Variants in PIP5K1C observed in about 807,000 individuals in gnomAD.
The protein encoded by PIP5K1C is phosphatidylinositol-4-phosphate 5-kinase type 1 gamma.
A neutral mutation model predicts 80.1 loss-of-function variants in PIP5K1C; 45 were observed. The observed-to-expected ratio is 0.56, with a 90% CI of 0.44 to 0.72. The LOEUF (loss-of-function observed/expected upper bound fraction) is 0.72. Among genes scored for constraint, PIP5K1C ranks in the 30% least tolerant of loss-of-function variants. The pLI is 0.00. For synonymous variants in PIP5K1C, 498 were observed against 420.1 expected (o/e 1.19, Z -2.27); for missense variants, 753 against 954.6 (o/e 0.79, Z 2.78).
At chr19:3,664,524 C>T (rs1271473401) in intron 3 of PIP5K1C, among the ~76,000 whole-genome samples, 2 of 152,186 alleles carry the variant, frequency 1.3e-5, no homozygotes, top group Non-Finnish European at 2.9e-5. Context: ...ACCCCTCTCC[C>T]TCACCAGGGC....
rs1375535291 is a variant in PIP5K1C, at chr19:3,641,807, G to A, written c.1685C>T (p.Pro562Leu). ...CTCTTCCGCGGGTGGCTCCTCCTGC[G>A]GCCTGCAGGCAATGGGAGGTTGTGC... ...RTQSSGQDGR[P>L]QEEPPAEEDL... is the part of the protein sequence containing the mutation. The change falls in exon 15 of 18, where the codon CCG (proline) becomes CTG (leucine). Residue 562 changes from proline to leucine, a missense_variant and splice_region_variant. By Grantham distance (98) the Pro-to-Leu change is moderately conservative (BLOSUM62 -3). Around this residue, in one of 6 missense-constraint regions of PIP5K1C, gnomAD observed 315 missense variants for 294.5 expected, o/e 1.07. Transcript: ENST00000335312. The A allele has an allele frequency of 8.1e-6, 13 of 1,610,254 alleles. No individual in the cohort carries two copies. Among genetic ancestry groups the A allele is most frequent in the Non-Finnish European group, 1.1e-5 (13 of 1,179,034 alleles).
intron 15 of PIP5K1C, among the ~76,000 whole-genome samples, chr19:3,640,838 C>T (rs2033930754): frequency 6.6e-6 from 1 of 151,778 alleles, no homozygotes; most frequent in African/African-American, 2.4e-5. Flanking sequence ...AGGTGTCCAC[C>T]ACCACGCCCG....
intron 1 of PIP5K1C, among the ~76,000 whole-genome samples, chr19:3,693,373 G>A (rs2036001162): frequency 6.6e-6 from 1 of 152,044 alleles, no homozygotes; most frequent in Non-Finnish European, 1.5e-5. Context: ...CCTCATGCTC[G>A]ACTCCAGCCC....
At chr19:3,677,813 A>G (rs1600062709) in intron 1 of PIP5K1C, among the ~76,000 whole-genome samples, 2 of 26,088 alleles carry the variant, frequency 7.7e-5, no homozygotes, top group East Asian at 1.5e-3. Flanking sequence ...AGGGAGGGAT[A>G]GATGGAGGGA....
chr19:3,667,914 G>T (rs988052013), intron 1 of PIP5K1C, among the ~76,000 whole-genome samples: 3 of 152,166 alleles, frequency 2.0e-5, no homozygotes, highest in Non-Finnish European at 4.4e-5. Flanking sequence ...GAGTTGCAGG[G>T]AGCGCCCAGC....
At chr19:3,633,413 C>T (rs763131114) in intron 17 of PIP5K1C, 24 bp downstream of exon 17, 46 of 1,425,820 alleles carry the variant, frequency 3.2e-5, no homozygotes, top group Non-Finnish European at 3.5e-5. Context: ...ACGGGACCGG[C>T]GGGTGCACCT....
intron 14 of PIP5K1C, among the ~76,000 whole-genome samples, chr19:3,642,092 C>T (rs760426865): frequency 2.6e-5 from 4 of 152,198 alleles, no homozygotes; most frequent in Admixed American, 1.3e-4. Context: ...ACCCTCCAGG[C>T]AGTGCCTGCA....
chr19:3,638,598 G>A (rs1381869569), intron 16 of PIP5K1C, among the ~76,000 whole-genome samples: 1 of 152,250 alleles, frequency 6.6e-6, no homozygotes, highest in East Asian at 1.9e-4. Flanking sequence ...CACAAGGCCG[G>A]GGAAGGGGAC....
chr19:3,646,140 T>C (rs1255560009), intron 10 of PIP5K1C, 82 bp from the exon 11 acceptor site: 12 of 824,176 alleles, frequency 1.5e-5, no homozygotes, highest in Non-Finnish European at 2.3e-5. Flanking sequence ...AGACGCTGTA[T>C]GTGTGTGGGG....
rs1173863702 is a variant in PIP5K1C at position 3,645,442 on chromosome 19, T to A, written c.1345+532A>T. Among the ~76,000 whole-genome samples, 5 of 152,296 alleles carry A rather than the reference T, an allele frequency of 3.3e-5. No homozygotes were observed. The East Asian group carries it at 9.7e-4, about 29-fold the overall frequency. On this transcript the variant is annotated intron_variant, in intron 11 of 17. Transcript: ENST00000335312. Reference sequence around the variant, plus strand: ...TGAGGGGAAGCTGAGCCCTGAGAGATGGGGACCTCCCCCGGGCACCCTGTG... The same window carrying A: ...TGAGGGGAAGCTGAGCCCTGAGAGAAGGGGACCTCCCCCGGGCACCCTGTG...
intron 1 of PIP5K1C, among the ~76,000 whole-genome samples, chr19:3,684,947 G>C (rs2035707970): frequency 6.6e-6 from 1 of 152,232 alleles, no homozygotes; most frequent in Non-Finnish European, 1.5e-5. Flanking sequence ...TTCTGGGTGT[G>C]GGATGGGGGA....
At chr19:3,635,884 G>A (rs796090344) in intron 16 of PIP5K1C, among the ~76,000 whole-genome samples, 5 of 152,260 alleles carry the variant, frequency 3.3e-5, no homozygotes, top group African/African-American at 9.6e-5. Context: ...GGAGGCTGAG[G>A]CAGGAGAATG....
At chr19:3,643,194 C>G in intron 13 of PIP5K1C, 49 bp downstream of exon 13, 1 of 1,608,938 alleles carries the variant, frequency 6.2e-7, no homozygotes, top group Non-Finnish European at 8.5e-7. Context: ...GCCCCGCCCC[C>G]ACGCACAGCG....
At chr19:3,647,428 G>A (rs1200828478) in intron 9 of PIP5K1C, 42 bp from the exon 10 acceptor site, 10 of 1,541,472 alleles carry the variant, frequency 6.5e-6, no homozygotes, top group Non-Finnish European at 8.8e-6. Flanking sequence ...CATCAGCCAA[G>A]CCCATGCCAG....
Position 3,637,995 on chromosome 19 carries a change from C to G in PIP5K1C, c.1920+889G>C. The G allele has an allele frequency of 1.3e-6, 2 of 1,521,474 alleles. No homozygotes were observed. Among genetic ancestry groups the G allele is most frequent in the Non-Finnish European group, 1.8e-6 (2 of 1,139,894 alleles). The allele number at this position is 1,521,474 out of a possible 1,614,324, so 94.2% of individuals were successfully genotyped here. On this transcript the variant is annotated intron_variant, in intron 16 of 17. Transcript: ENST00000335312. The surrounding 1 kb of genome is among the most constrained non-coding windows in gnomAD (Gnocchi z 7.0). ...AGGGCCAGGTGGGTGCATGGGGACCCCAGAGGCGCCACTGGAGACAGAGCA... is the reference window on the plus strand; with the variant it reads ...AGGGCCAGGTGGGTGCATGGGGACCGCAGAGGCGCCACTGGAGACAGAGCA...
chr19:3,667,653 C>A (rs1363513124), intron 1 of PIP5K1C, among the ~76,000 whole-genome samples: 1 of 152,190 alleles, frequency 6.6e-6, no homozygotes, highest in Admixed American at 6.5e-5. Flanking sequence ...GGCTTGGCAC[C>A]CACCACGGAG....
chr19:3,681,232 C>CTT (rs532928248), intron 1 of PIP5K1C, among the ~76,000 whole-genome samples: 22 of 139,918 alleles, frequency 1.6e-4, no homozygotes, highest in Admixed American at 3.6e-4. Flanking sequence ...ACCCTGTCCA[C>CTT]TTTTTTTTTT....
At chr19:3,689,852 A>G (rs2035889406) in intron 1 of PIP5K1C, among the ~76,000 whole-genome samples, 1 of 152,046 alleles carries the variant, frequency 6.6e-6, no homozygotes. Flanking sequence ...CCCCCCCCAC[A>G]CACAGAATGA....
chr19:3,682,841 G>A (rs961621289), intron 1 of PIP5K1C, among the ~76,000 whole-genome samples: 1 of 152,130 alleles, frequency 6.6e-6, no homozygotes, highest in Non-Finnish European at 1.5e-5. Flanking sequence ...CAGCTACGCC[G>A]CTCCCAGACT....
Sources: allele counts gnomAD v4.1 joint callset (sites outside exome capture counted in the v4.1 genomes callset), GRCh38; gene constraint gnomAD v4.1.1; regional missense constraint gnomAD v4.1.1; non-coding constraint Gnocchi (gnomAD v3.1); transcripts MANE v1.5; gene names NCBI Gene and HGNC (gene_info 2026-07-23, HGNC 2026-07-21).